ACKR2: variants seen among roughly 807,000 people sequenced by gnomAD.
ACKR2 encodes the protein atypical chemokine receptor 2.
For missense variants in ACKR2, 457 were observed against 477.3 expected (o/e 0.96, Z 0.40); for synonymous variants, 207 against 192.2 (o/e 1.08, Z -0.64).
intron 2 of ACKR2, among the ~76,000 whole-genome samples, chr3:42,829,214 A>T (rs1336976608): frequency 6.6e-6 from 1 of 152,216 alleles, no homozygotes; most frequent in African/African-American, 2.4e-5. Context: ...GAAGGTGGCA[A>T]ACGTGGACTT....
chr3:42,835,127 A>ACTCGGT (rs1282135454), intron 2 of ACKR2: 6 of 147,958 alleles, frequency 4.1e-5, no homozygotes, highest in Non-Finnish European at 7.5e-5. Context: ...GATCCACCCA[A>ACTCGGT]CTCGGTCTCC....
rs1409909074 is a variant in ACKR2, at chr3:42,852,518, T to C, written c.-37-11948T>C. 6.6e-6 allele frequency: 1 copy of C among 152,198 alleles called. No homozygotes were observed. The highest frequency in any genetic ancestry group is 1.5e-5 in the Non-Finnish European group (1 of 68,048). The allele number at this position is 152,198 out of a possible 1,614,324, so 9.4% of individuals were successfully genotyped here. ...TATCTCCTGACCAGGCCAGGAAACA[T>C]TGAGTGATGTGGGGTCCCAGGGAGC... is the stretch of plus-strand genomic sequence containing the variant. On this transcript the variant is annotated intron_variant, in intron 2 of 2. Transcript: ENST00000422265. The surrounding 1 kb of genome is among the most constrained non-coding windows in gnomAD (Gnocchi z 4.3).
rs1274012250 is a variant in ACKR2 at position 42,865,219 on chromosome 3, G to A, written c.717G>A (p.Arg239=). Residue 239 remains arginine, a synonymous_variant, in exon 3 of 3, where the codon AGG becomes AGA. Coordinates refer to ENST00000422265, the MANE Select transcript of ACKR2 (RefSeq NM_001296.5). ...FYSRIGCVLV[R]LRPAGQGRAL... is the part of the protein sequence containing the mutation. Reference sequence around the variant, plus strand: ...CCCGTATTGGTTGTGTCTTGGTGAGGCTGAGGCCCGCAGGCCAGGGCCGGG... The same window carrying A: ...CCCGTATTGGTTGTGTCTTGGTGAGACTGAGGCCCGCAGGCCAGGGCCGGG... 6.2e-7 allele frequency: 1 copy of A among 1,614,196 alleles called. No individual in the cohort carries two copies. Among genetic ancestry groups the A allele is most frequent in the Admixed American group, 1.7e-5 (1 of 60,032 alleles).
At chr3:42,854,490 G>C (rs11129980) in intron 2 of ACKR2, among the ~76,000 whole-genome samples, 3 of 151,698 alleles carry the variant, frequency 2.0e-5, no homozygotes, top group East Asian at 2.0e-4. Flanking sequence ...AAGGGAGTGT[G>C]GGGGGGAAGG....
chr3:42,809,810 C>A (rs138697372), intron 1 of ACKR2, among the ~76,000 whole-genome samples: 1 of 151,144 alleles, frequency 6.6e-6, no homozygotes, highest in African/African-American at 2.4e-5. Context: ...TGCAGTGACC[C>A]GAGATCGCGC....
chr3:42,864,510 C>T lies in ACKR2; in HGVS notation c.8C>T (p.Ala3Val). 6.3e-7 allele frequency: 1 copy of T among 1,597,666 alleles called. No homozygotes were observed. The highest frequency in any genetic ancestry group is 8.5e-7 in the Non-Finnish European group (1 of 1,170,498). Residue 3 changes from alanine to valine, a missense_variant, in exon 3 of 3, where the codon GCC becomes GTC. Transcript: ENST00000422265. Reference protein sequence around the residue: MAATASPQPLATE... With the variant: MAVTASPQPLATE... ...TGGGCATTTCCTTCCAACATGGCCG[C>T]CACTGCCTCTCCGCAGCCACTCGCC...
In ACKR2 at chr3:42,865,344, T is replaced by G; in HGVS notation, c.842T>G (p.Phe281Cys). ...FLHTLLDLQVFGNCEVSQHLD... is the reference protein window; with the variant it reads ...FLHTLLDLQVCGNCEVSQHLD... ...CATACGCTGTTGGACCTGCAAGTATTCGGGAACTGTGAGGTCAGCCAGCAT... is the reference window on the plus strand; with the variant it reads ...CATACGCTGTTGGACCTGCAAGTATGCGGGAACTGTGAGGTCAGCCAGCAT... The change falls in exon 3 of 3, where the codon TTC (phenylalanine) becomes TGC (cysteine). Residue 281 changes from phenylalanine (F) to cysteine (C), a missense_variant. Coordinates refer to ENST00000422265, the MANE Select transcript of ACKR2 (RefSeq NM_001296.5). 1 of 1,614,188 alleles carries G rather than the reference T, an allele frequency of 6.2e-7. No individual in the cohort carries two copies. The highest frequency in any genetic ancestry group is 8.5e-7 in the Non-Finnish European group (1 of 1,180,034).
chr3:42,862,937 C>T (rs1206976931), intron 2 of ACKR2, among the ~76,000 whole-genome samples: 1 of 152,172 alleles, frequency 6.6e-6, no homozygotes, highest in Non-Finnish European at 1.5e-5. Flanking sequence ...CCATTCAGGA[C>T]ATAGGCATTG....
intron 2 of ACKR2, among the ~76,000 whole-genome samples, chr3:42,840,515 A>T (rs1162256216): frequency 1.3e-5 from 2 of 152,174 alleles, no homozygotes; most frequent in African/African-American, 4.8e-5. Flanking sequence ...CAGGTGCTAA[A>T]TGCTAATCTC....
At chr3:42,820,339 T>C (rs1700796116) in intron 2 of ACKR2, among the ~76,000 whole-genome samples, 1 of 152,020 alleles carries the variant, frequency 6.6e-6, no homozygotes, top group Non-Finnish European at 1.5e-5. Flanking sequence ...AGAAAAGAAA[T>C]ATAATCTGCT....
intron 2 of ACKR2, among the ~76,000 whole-genome samples, chr3:42,842,942 A>ACCATTGC (rs1701054123): frequency 7.0e-6 from 1 of 143,456 alleles, no homozygotes; most frequent in African/African-American, 2.6e-5. Context: ...CCAAGATTGC[A>ACCATTGC]CCATTGCCCT....
chr3:42,821,843 C>T (rs898188904), intron 2 of ACKR2, among the ~76,000 whole-genome samples: 1 of 151,952 alleles, frequency 6.6e-6, no homozygotes, highest in Non-Finnish European at 1.5e-5. Context: ...ACTACAGGGG[C>T]CCACTACCAC....
At chr3:42,833,101 C>T (rs1328401820) in intron 2 of ACKR2, among the ~76,000 whole-genome samples, 2 of 152,084 alleles carry the variant, frequency 1.3e-5, no homozygotes, top group Non-Finnish European at 2.9e-5. Context: ...TGGGCTCAAG[C>T]GATCTGCCCG....
chr3:42,830,900 A>G (rs139564188), intron 2 of ACKR2, among the ~76,000 whole-genome samples: 2 of 152,068 alleles, frequency 1.3e-5, no homozygotes, highest in African/African-American at 4.8e-5. Flanking sequence ...ACCTCCCCCA[A>G]GTCAGTTAAT....
Position 42,812,683 on chromosome 3 carries a change from T to TTTTTTC in ACKR2, c.-119+3156_-119+3157insCTTTTT, listed in dbSNP as rs1700708071. 1.7e-5 allele frequency among the ~76,000 whole-genome samples: 2 copies of TTTTTTC among 120,412 alleles called. 1 individual carries two copies. The highest frequency in any genetic ancestry group is 3.5e-5 in the Non-Finnish European group (2 of 57,394). The allele number at this position is 120,412 out of a possible 152,430, so 79.0% of individuals were successfully genotyped here. A position where few individuals can be genotyped will look rare whatever the true frequency, so the allele number is the denominator to read the frequency against. ...AAGTGGTTGGGCAATTTTCAGCCTT[T>TTTTTTC]TTTTTTTTTTTTTTTTTTTTTGAGA... On this transcript the variant is annotated intron_variant, in intron 1 of 2. Transcript: ENST00000422265.
intron 2 of ACKR2, among the ~76,000 whole-genome samples, chr3:42,828,092 A>ATTTTTTTTTTT (rs71072742): frequency 3.3e-5 from 4 of 121,900 alleles, no homozygotes; most frequent in African/African-American, 1.3e-4. Flanking sequence ...ATATATATAT[A>ATTTTTTTTTTT]TTTTTTTTTT....
intron 2 of ACKR2, among the ~76,000 whole-genome samples, chr3:42,834,231 T>G (rs1700962719): frequency 6.6e-6 from 1 of 152,258 alleles, no homozygotes; most frequent in African/African-American, 2.4e-5. Flanking sequence ...GTACCGGGAT[T>G]ACAGGCGTGA....
intron 1 of ACKR2, among the ~76,000 whole-genome samples, chr3:42,813,980 C>T (rs879461837): frequency 5.3e-5 from 8 of 152,128 alleles, no homozygotes; most frequent in East Asian, 1.9e-4. Flanking sequence ...AATGTAATAA[C>T]GAGAGACAAC....
chr3:42,824,556 T>C (rs1442902654), intron 2 of ACKR2, among the ~76,000 whole-genome samples: 1 of 152,232 alleles, frequency 6.6e-6, no homozygotes, highest in Non-Finnish European at 1.5e-5. Flanking sequence ...GGTATTTGCC[T>C]ATTCTGGACA....
Sources: allele counts gnomAD v4.1 joint callset (sites outside exome capture counted in the v4.1 genomes callset), GRCh38; gene constraint gnomAD v4.1.1; non-coding constraint Gnocchi (gnomAD v3.1); transcripts MANE v1.5; gene names NCBI Gene and HGNC (gene_info 2026-07-23, HGNC 2026-07-21).